Variants in HYCC2 observed in about 807,000 individuals in gnomAD.
HYCC2 encodes hyccin PI4KA lipid kinase complex subunit 2.
At chr2:201,071,259 T>C in the HYCC2 span, among the ~76,000 whole-genome samples, 3 of 152,156 alleles carry the variant, frequency 2.0e-5, no homozygotes, top group Admixed American at 6.5e-5. Context: ...GCCGTGTCCT[T>C]TTCTCGCCTG....
At chr2:201,012,671 G>T in the HYCC2 span, among the ~76,000 whole-genome samples, 1 of 152,010 alleles carries the variant, frequency 6.6e-6, no homozygotes, top group Non-Finnish European at 1.5e-5. Context: ...GCAGTCAGGC[G>T]TGGTGGCTCA....
At chr2:201,043,640 C>G in the HYCC2 span, among the ~76,000 whole-genome samples, 1 of 151,598 alleles carries the variant, frequency 6.6e-6, no homozygotes, top group Non-Finnish European at 1.5e-5. Flanking sequence ...TCCCGAGTAC[C>G]TGGGACTACA....
At chr2:201,057,959 T>C in the HYCC2 span, among the ~76,000 whole-genome samples, 1 of 152,284 alleles carries the variant, frequency 6.6e-6, no homozygotes, top group Admixed American at 6.5e-5. Context: ...CAAAATGGTC[T>C]TGTCAGCAAG....
the HYCC2 span, among the ~76,000 whole-genome samples, chr2:201,052,605 C>G: frequency 3.3e-5 from 5 of 151,768 alleles, no homozygotes; most frequent in Non-Finnish European, 7.4e-5. Flanking sequence ...GACTCTGTCT[C>G]AAAAGAAAAA....
At chr2:201,070,484 A>C in the HYCC2 span, among the ~76,000 whole-genome samples, 5 of 151,978 alleles carry the variant, frequency 3.3e-5, no homozygotes, top group Non-Finnish European at 7.4e-5. Flanking sequence ...GAAACCCCGT[A>C]TCTACTAAAA....
the HYCC2 span, among the ~76,000 whole-genome samples, chr2:201,068,575 G>A: frequency 6.6e-6 from 1 of 152,184 alleles, no homozygotes; most frequent in African/African-American, 2.4e-5. Context: ...AAGTGGAGAT[G>A]ATATAAGTGA....
chr2:200,999,932 C>A, the HYCC2 span, among the ~76,000 whole-genome samples: 1 of 150,764 alleles, frequency 6.6e-6, no homozygotes, highest in Admixed American at 6.6e-5. Context: ...GTGGCGCGCG[C>A]CTGTAGTCCC....
At chr2:201,052,864 TGCAA>T in the HYCC2 span, among the ~76,000 whole-genome samples, 1 of 152,168 alleles carries the variant, frequency 6.6e-6, no homozygotes, top group Non-Finnish European at 1.5e-5. Flanking sequence ...TCTGAAGATC[TGCAA>T]AGGATCCCTC....
the HYCC2 span, among the ~76,000 whole-genome samples, chr2:201,069,691 T>G: frequency 5.3e-5 from 8 of 152,226 alleles, no homozygotes; most frequent in East Asian, 1.5e-3. Flanking sequence ...AAATTTTCTT[T>G]GTGACTGAGA....
chr2:201,035,585 G>A, the HYCC2 span, among the ~76,000 whole-genome samples: 2 of 152,132 alleles, frequency 1.3e-5, no homozygotes, highest in Non-Finnish European at 2.9e-5. Flanking sequence ...ATCGTCTGAA[G>A]CCTTCTTCTC....
chr2:201,048,542 G>A, the HYCC2 span, among the ~76,000 whole-genome samples: 8,242 of 142,252 alleles, frequency 0.058, 276 homozygotes, highest in Non-Finnish European at 0.076. Flanking sequence ...GCTATCATTC[G>A]TGTTAGTGTA....
chr2:201,018,849 C>T, the HYCC2 span, among the ~76,000 whole-genome samples: 1 of 152,064 alleles, frequency 6.6e-6, no homozygotes, highest in Non-Finnish European at 1.5e-5. Context: ...TATTCCAACT[C>T]TTCCCTTACA....
the HYCC2 span, among the ~76,000 whole-genome samples, chr2:201,014,083 A>G: frequency 6.6e-6 from 1 of 152,246 alleles, no homozygotes; most frequent in African/African-American, 2.4e-5. Context: ...ATAGTATACT[A>G]ATTTTGCACT....
the HYCC2 span, chr2:201,063,265 T>C: frequency 6.4e-7 from 1 of 1,571,514 alleles, no homozygotes; most frequent in Non-Finnish European, 8.7e-7. Flanking sequence ...GCTTTGGGTT[T>C]GTCACATATG....
chr2:200,995,486 G>A, the HYCC2 span, among the ~76,000 whole-genome samples: 2 of 152,196 alleles, frequency 1.3e-5, no homozygotes, highest in African/African-American at 4.8e-5. Context: ...TTATGTGTAC[G>A]TGAGTACGTT....
the HYCC2 span, among the ~76,000 whole-genome samples, chr2:201,031,649 C>CA: frequency 9.2e-5 from 14 of 152,208 alleles, no homozygotes; most frequent in African/African-American, 3.4e-4. Context: ...AACTCTGTCT[C>CA]AAAAAACAAA....
chr2:201,058,873 T>A, the HYCC2 span, among the ~76,000 whole-genome samples: 1 of 152,224 alleles, frequency 6.6e-6, no homozygotes. Flanking sequence ...TGTTTCCATA[T>A]GAGATTAACA....
the HYCC2 span, among the ~76,000 whole-genome samples, chr2:201,024,858 G>A: frequency 1.3e-5 from 2 of 152,116 alleles, no homozygotes; most frequent in East Asian, 3.8e-4. Context: ...GCTCATGCCT[G>A]CAATCCCAGC....
the HYCC2 span, among the ~76,000 whole-genome samples, chr2:201,011,060 G>T: frequency 6.6e-6 from 1 of 151,942 alleles, no homozygotes; most frequent in African/African-American, 2.4e-5. Context: ...CAGGAGAATC[G>T]CTTGAACCCA....
Sources: allele counts gnomAD v4.1 joint callset (sites outside exome capture counted in the v4.1 genomes callset), GRCh38; gene constraint gnomAD v4.1.1; transcripts MANE v1.5; gene names NCBI Gene and HGNC (gene_info 2026-07-23, HGNC 2026-07-21).